Variants in GFRA1 observed in about 807,000 individuals in gnomAD.
GFRA1 encodes GDNF family receptor alpha-1.
GFRA1 carries 16 observed loss-of-function variants against 51.6 expected under a neutral mutation model. That is an observed-to-expected ratio of 0.31 (90% CI 0.21 to 0.47). The LOEUF (loss-of-function observed/expected upper bound fraction) is 0.47. Among genes scored for constraint, GFRA1 ranks in the 20% least tolerant of loss-of-function variants. GFRA1 has a pLI of 1.00. For missense variants in GFRA1, 530 were observed against 594.3 expected, an observed-to-expected ratio of 0.89 and a Z score of 1.13; for synonymous variants, 270 against 241.3, an observed-to-expected ratio of 1.12 and a Z score of -1.10.
intron 9 of GFRA1, among the ~76,000 whole-genome samples, chr10:116,079,202 G>A (rs1389535102): frequency 6.6e-6 from 1 of 151,954 alleles, no homozygotes; most frequent in African/African-American, 2.4e-5. Context: ...GCGCTCACTG[G>A]GAACCCAATC....
chr10:116,120,190 G>A (rs1218388059), intron 6 of GFRA1, among the ~76,000 whole-genome samples: 2 of 152,228 alleles, frequency 1.3e-5, no homozygotes, highest in African/African-American at 4.8e-5. Context: ...GAACCTTGGG[G>A]ACTGAGGACA....
At chr10:116,273,368 G>T (rs554159854), upstream of GFRA1, 2 of 152,134 alleles carry the variant, frequency 1.3e-5, no homozygotes, top group South Asian at 4.2e-4. Context: ...GACGATTTCC[G>T]AGCAGAGCCC....
intron 5 of GFRA1, among the ~76,000 whole-genome samples, chr10:116,166,822 C>T (rs1263266726): frequency 1.4e-4 from 14 of 102,096 alleles, no homozygotes; most frequent in African/African-American, 3.4e-4. Context: ...TTTGTTGAGA[C>T]GGAGTCTCCC....
chr10:116,159,063 A>C (rs1235550563), intron 5 of GFRA1, among the ~76,000 whole-genome samples: 2 of 152,220 alleles, frequency 1.3e-5, no homozygotes, highest in East Asian at 3.8e-4. Flanking sequence ...TTTTTTTTAA[A>C]AAGTGCCAAC....
At chr10:116,120,708 C>A (rs745489002) in intron 6 of GFRA1, among the ~76,000 whole-genome samples, 3 of 152,216 alleles carry the variant, frequency 2.0e-5, no homozygotes, top group Non-Finnish European at 4.4e-5. Flanking sequence ...CTGATTGGAA[C>A]CCCTTAGGAT....
chr10:116,085,620 G>T (rs1279142857), intron 9 of GFRA1, among the ~76,000 whole-genome samples: 1 of 152,154 alleles, frequency 6.6e-6, no homozygotes, highest in Non-Finnish European at 1.5e-5. Context: ...CTCCGCCCAG[G>T]CAAGAATCCT....
chr10:116,206,745 T>G (rs1025622800), intron 5 of GFRA1, among the ~76,000 whole-genome samples: 12 of 150,080 alleles, frequency 8.0e-5, no homozygotes, highest in Admixed American at 4.0e-4. Context: ...CCATTCTCCT[T>G]CCTCAGCCTC....
chr10:116,228,425 G>A (rs1966453989), intron 4 of GFRA1, among the ~76,000 whole-genome samples: 1 of 152,136 alleles, frequency 6.6e-6, no homozygotes, highest in African/African-American at 2.4e-5. Context: ...GCAGACCAAT[G>A]CCCCCTGCCC....
chr10:116,095,064 C>T (rs1306197329), intron 7 of GFRA1, among the ~76,000 whole-genome samples: 4 of 152,156 alleles, frequency 2.6e-5, no homozygotes, highest in Admixed American at 6.5e-5. Flanking sequence ...TCCTTAGGTG[C>T]GTAAGGGTTT....
chr10:116,161,021 G>A (rs1959719825), intron 5 of GFRA1, among the ~76,000 whole-genome samples: 1 of 152,230 alleles, frequency 6.6e-6, no homozygotes, highest in African/African-American at 2.4e-5. Context: ...CCTGCAGCCA[G>A]AGAGACCAGA....
chr10:116,267,001 G>A (rs1969709284), intron 4 of GFRA1, among the ~76,000 whole-genome samples: 1 of 152,078 alleles, frequency 6.6e-6, no homozygotes, highest in South Asian at 2.1e-4. Context: ...ATTGCTAGCC[G>A]GTGTAGTGGC....
At chr10:116,151,612 G>A (rs1308257089) in intron 5 of GFRA1, among the ~76,000 whole-genome samples, 1 of 152,154 alleles carries the variant, frequency 6.6e-6, no homozygotes, top group African/African-American at 2.4e-5. Flanking sequence ...AAAATAGAGG[G>A]AAGAGGGAGA....
rs1046426849 is a variant in GFRA1, at chr10:116,176,639, CT to C, written c.433+34991del. Among the ~76,000 whole-genome samples, 17 of 152,248 alleles carry C rather than the reference CT, an allele frequency of 1.1e-4. 1 individual carries two copies. Among genetic ancestry groups the C allele is most frequent in the Admixed American group, 9.2e-4 (14 of 15,292 alleles). ...CCCCAGAACCATGTAAATATCTTTT[CT>C]TTATAAATTACCCAGCCTCACATAT... is the stretch of plus-strand genomic sequence containing the variant. On this transcript the variant is annotated intron_variant, in intron 5 of 10. Transcript: ENST00000355422.
chr10:116,215,609 T>C (rs532450951), intron 4 of GFRA1, among the ~76,000 whole-genome samples: 1 of 152,322 alleles, frequency 6.6e-6, no homozygotes, highest in Non-Finnish European at 1.5e-5. Flanking sequence ...ATTCCATCGG[T>C]TGCTGTGGGG....
intron 5 of GFRA1, among the ~76,000 whole-genome samples, chr10:116,192,876 G>C (rs1963398035): frequency 1.3e-5 from 2 of 152,170 alleles, no homozygotes; most frequent in Admixed American, 6.5e-5. Context: ...AGTCCCGGGG[G>C]AGTGTTGGAA....
intron 5 of GFRA1, among the ~76,000 whole-genome samples, chr10:116,195,874 G>A (rs1443711871): frequency 6.6e-6 from 1 of 152,282 alleles, no homozygotes; most frequent in East Asian, 1.9e-4. Context: ...CGTTTGATTT[G>A]GGGTGGGTTA....
chr10:116,155,131 C>T (rs1273360431), intron 5 of GFRA1, among the ~76,000 whole-genome samples: 1 of 152,116 alleles, frequency 6.6e-6, no homozygotes, highest in Non-Finnish European at 1.5e-5. Flanking sequence ...AACTTTATCT[C>T]ATTTAATACT....
At chr10:116,202,391 T>C (rs1338513565) in intron 5 of GFRA1, among the ~76,000 whole-genome samples, 2 of 152,160 alleles carry the variant, frequency 1.3e-5, no homozygotes, top group Non-Finnish European at 2.9e-5. Context: ...AAGGAAAATG[T>C]CACAGTGGCT....
At chr10:116,249,807 G>A (rs1235534894) in intron 4 of GFRA1, among the ~76,000 whole-genome samples, 3 of 152,140 alleles carry the variant, frequency 2.0e-5, no homozygotes, top group East Asian at 3.9e-4. Context: ...CAAGCCAGAT[G>A]GGGTCCTTGC....
Sources: allele counts gnomAD v4.1 joint callset (sites outside exome capture counted in the v4.1 genomes callset), GRCh38; gene constraint gnomAD v4.1.1; transcripts MANE v1.5; gene names NCBI Gene and HGNC (gene_info 2026-07-23, HGNC 2026-07-21).